Variants in CSMD1 observed in about 807,000 individuals in gnomAD.
The protein encoded by CSMD1 is CUB and Sushi multiple domains 1.
A neutral mutation model predicts 417.5 loss-of-function variants in CSMD1; 213 were observed. The observed-to-expected ratio is 0.51, with a 90% CI of 0.46 to 0.57. The LOEUF is 0.57. Ranked by LOEUF, CSMD1 falls within the 20% of genes least tolerant of loss-of-function variation. CSMD1 has a pLI of 0.00. For missense variants in CSMD1, 6,923 were observed against 4,529.7 expected (o/e 1.53, Z -15.17); for synonymous variants, 2,862 against 1,736.8 (o/e 1.65, Z -16.11).
chr8:3,581,732 G>T (rs1487090902), intron 9 of CSMD1, among the ~76,000 whole-genome samples: 3 of 152,118 alleles, frequency 2.0e-5, no homozygotes, highest in African/African-American at 7.2e-5. Context: ...TGGCAGAAAC[G>T]ATCATTATCA....
chr8:4,305,143 G>C (rs115447033), intron 3 of CSMD1, among the ~76,000 whole-genome samples: 289 of 152,272 alleles, frequency 1.9e-3, no homozygotes, highest in African/African-American at 6.4e-3. Context: ...ACATGCATTG[G>C]TATCTATTTT....
intron 5 of CSMD1, among the ~76,000 whole-genome samples, chr8:3,934,333 C>T (rs999394120): frequency 6.6e-6 from 1 of 152,082 alleles, no homozygotes; most frequent in Non-Finnish European, 1.5e-5. Context: ...AAATAGTTAA[C>T]ACGTACAAAA....
intron 1 of CSMD1, among the ~76,000 whole-genome samples, chr8:4,976,918 A>C (rs899690552): frequency 6.6e-6 from 1 of 152,166 alleles, no homozygotes; most frequent in Non-Finnish European, 1.5e-5. Flanking sequence ...AATCCTCCAG[A>C]GCATCAAGTG....
chr8:4,197,884 TAAG>T (rs2131241459), intron 3 of CSMD1, among the ~76,000 whole-genome samples: 2 of 152,146 alleles, frequency 1.3e-5, no homozygotes, highest in Non-Finnish European at 2.9e-5. Context: ...ATCTAAAAGT[TAAG>T]AAGAAAAAAA....
At position 4,158,688 on chromosome 8, in the gene CSMD1, C is replaced by G. The variant is rs1236522737; in HGVS notation, c.416-126589G>C. Among the ~76,000 whole-genome samples, 3 of 152,190 alleles carry G rather than the reference C, an allele frequency of 2.0e-5. No homozygotes were observed. The East Asian group carries it at 5.8e-4, about 30-fold the overall frequency. On this transcript the variant is annotated intron_variant, in intron 3 of 69. Transcript: ENST00000635120. ...CGTAATAATGAGTATTATGGGCCAG[C>G]AGCTATTCCTAAACCACCCCATTCA... is the stretch of plus-strand genomic sequence containing the variant.
At chr8:3,948,734 G>A (rs1021474639) in intron 5 of CSMD1, among the ~76,000 whole-genome samples, 1 of 152,056 alleles carries the variant, frequency 6.6e-6, no homozygotes, top group South Asian at 2.1e-4. Flanking sequence ...ATAATACAGT[G>A]ACTTAATCAG....
At chr8:3,082,531 T>C (rs1375258860) in intron 49 of CSMD1, among the ~76,000 whole-genome samples, 5 of 152,146 alleles carry the variant, frequency 3.3e-5, no homozygotes, top group African/African-American at 1.2e-4. Flanking sequence ...ACTCTCTCCC[T>C]CCGGACTAGC....
chr8:3,664,810 G>C lies in CSMD1; in HGVS notation c.1009+43604C>G, dbSNP rs183173873. Among the ~76,000 whole-genome samples, 33 of 152,328 alleles carry C rather than the reference G, an allele frequency of 2.2e-4. No homozygotes were observed. In the East Asian group the frequency reaches 6.0e-3, roughly 28 times the overall value. On this transcript the variant is annotated intron_variant, in intron 7 of 69. Transcript: ENST00000635120. ...AAAACTGTACACAAAGCTATCAAGA[G>C]AGTCAACATTAAAATAGCTAAAAGT... is the stretch of plus-strand genomic sequence containing the variant.
At chr8:3,627,334 C>T (rs1796542420) in intron 7 of CSMD1, among the ~76,000 whole-genome samples, 1 of 152,046 alleles carries the variant, frequency 6.6e-6, no homozygotes, top group Admixed American at 6.6e-5. Context: ...TGCTATAATA[C>T]GTGCGTTAAG....
intron 6 of CSMD1, 137 bp from the exon 7 acceptor site, chr8:3,708,628 T>C: frequency 4.3e-6 from 3 of 691,962 alleles, no homozygotes; most frequent in Non-Finnish European, 7.7e-6. Flanking sequence ...AGGTGAATGA[T>C]ACCAAGTCAA....
chr8:3,500,782 T>G (rs1016486796), intron 10 of CSMD1, among the ~76,000 whole-genome samples: 6 of 151,856 alleles, frequency 4.0e-5, no homozygotes, highest in Non-Finnish European at 7.4e-5. Flanking sequence ...AACAGCAGAG[T>G]TGTAGGCATG....
At chr8:4,196,640 C>G (rs1235833607) in intron 3 of CSMD1, among the ~76,000 whole-genome samples, 1 of 152,136 alleles carries the variant, frequency 6.6e-6, no homozygotes, top group African/African-American at 2.4e-5. Flanking sequence ...GGGTCCAGTC[C>G]TCATTGAATC....
Position 4,695,972 on chromosome 8 carries a change from G to C in CSMD1, c.86-58414C>G, listed in dbSNP as rs775905414. On this transcript the variant is annotated intron_variant, in intron 1 of 69. Transcript: ENST00000635120. Reference sequence around the variant, plus strand: ...GGCTGTGGTTAGAGACTTGGGTTCCGGAGGGAGAATGCCTGTGTTTAATCC... The same window carrying C: ...GGCTGTGGTTAGAGACTTGGGTTCCCGAGGGAGAATGCCTGTGTTTAATCC... Among the ~76,000 whole-genome samples, 34 of 152,166 alleles carry C rather than the reference G, an allele frequency of 2.2e-4. 1 individual carries two copies. The highest frequency in any genetic ancestry group is 2.2e-3 in the Admixed American group (34 of 15,272).
intron 49 of CSMD1, among the ~76,000 whole-genome samples, chr8:3,057,898 A>C (rs1241383848): frequency 1.3e-5 from 2 of 152,196 alleles, no homozygotes; most frequent in Non-Finnish European, 2.9e-5. Flanking sequence ...ACACTGAACA[A>C]AAACTACATT....
At chr8:3,984,598 A>T (rs1814163949) in intron 5 of CSMD1, among the ~76,000 whole-genome samples, 1 of 150,938 alleles carries the variant, frequency 6.6e-6, no homozygotes, top group Non-Finnish European at 1.5e-5. Flanking sequence ...TTCTTCAAGT[A>T]AGAAAAAATA....
intron 3 of CSMD1, among the ~76,000 whole-genome samples, chr8:4,114,444 A>G (rs1184994022): frequency 6.6e-6 from 1 of 152,202 alleles, no homozygotes; most frequent in African/African-American, 2.4e-5. Flanking sequence ...GTTACGGAAG[A>G]GCTTGGACAG....
chr8:3,672,599 G>C (rs571833835), intron 7 of CSMD1, among the ~76,000 whole-genome samples: 3 of 152,128 alleles, frequency 2.0e-5, no homozygotes, highest in Admixed American at 1.3e-4. Flanking sequence ...TTTACATTTG[G>C]CCATTGTCTA....
intron 2 of CSMD1, among the ~76,000 whole-genome samples, chr8:4,446,140 G>C (rs13251739): frequency 0.13 from 20,155 of 152,162 alleles, 1,745 homozygotes; most frequent in Admixed American, 0.24. Flanking sequence ...TTACATACGT[G>C]AGTTTTGAAC....
At chr8:3,472,587 C>CTT (rs143596811) in intron 11 of CSMD1, among the ~76,000 whole-genome samples, 10 of 151,578 alleles carry the variant, frequency 6.6e-5, no homozygotes, top group East Asian at 2.0e-4. Context: ...TTTATACTGA[C>CTT]ATATATATAT....
Sources: gnomAD v4.1 joint callset for allele counts (sites outside exome capture counted in the v4.1 genomes callset) on GRCh38, gnomAD v4.1.1 for gene constraint, MANE v1.5 for transcripts, NCBI Gene and HGNC (gene_info 2026-07-23, HGNC 2026-07-21) for gene names.